Variants in DAB1 observed in about 807,000 individuals in gnomAD.
DAB1 encodes DAB adaptor protein 1.
A neutral mutation model predicts 64.6 loss-of-function variants in DAB1; 15 were observed. The observed-to-expected ratio is 0.23, with a 90% confidence interval of 0.16 to 0.36. The LOEUF (loss-of-function observed/expected upper bound fraction) is 0.36. Among genes scored for constraint, DAB1 ranks in the 10% least tolerant of loss-of-function variants. The probability of loss-of-function intolerance (pLI) is 1.00; values close to 1 mark genes in which losing one functional copy is unlikely to be tolerated. For missense variants in DAB1, 596 were observed against 706.7 expected (o/e 0.84, Z 1.78); for synonymous variants, 235 against 251.9 (o/e 0.93, Z 0.64).
chr1:57,326,954 T>A (rs980338725), intron 1 of DAB1, among the ~76,000 whole-genome samples: 1 of 112,132 alleles, frequency 8.9e-6, no homozygotes, highest in African/African-American at 3.3e-5. Flanking sequence ...TTATTTATTT[T>A]TTGAGACAGG....
intron 5 of DAB1, among the ~76,000 whole-genome samples, chr1:57,952,245 C>G (rs529927703): frequency 6.6e-6 from 1 of 152,262 alleles, no homozygotes; most frequent in Non-Finnish European, 1.5e-5. Flanking sequence ...CTTCCCCTCT[C>G]TTGAGGATTG....
intron 5 of DAB1, among the ~76,000 whole-genome samples, chr1:58,125,669 C>T (rs2100681509): frequency 6.6e-6 from 1 of 152,242 alleles, no homozygotes; most frequent in East Asian, 1.9e-4. Flanking sequence ...TGGTCTTGAA[C>T]TCCTAGGCTC....
intron 9 of DAB1, among the ~76,000 whole-genome samples, chr1:57,057,792 T>G (rs1233047939): frequency 1.4e-5 from 2 of 147,554 alleles, no homozygotes; most frequent in South Asian, 4.3e-4. Flanking sequence ...GTATTTTTAG[T>G]AGAGACGGGG....
intron 4 of DAB1, among the ~76,000 whole-genome samples, chr1:57,097,635 T>C (rs77487558): frequency 0.013 from 2,023 of 152,324 alleles, 44 homozygotes; most frequent in African/African-American, 0.045. Flanking sequence ...TGCTTCTGTG[T>C]GCTCCAGGTT....
At chr1:57,067,615 A>C (rs1482456815) in intron 8 of DAB1, among the ~76,000 whole-genome samples, 1 of 152,152 alleles carries the variant, frequency 6.6e-6, no homozygotes, top group Non-Finnish European at 1.5e-5. Context: ...AAACAAGCTA[A>C]CCTGCTTCTC....
At chr1:58,131,742 TG>T (rs199740753) in intron 5 of DAB1, among the ~76,000 whole-genome samples, 17,662 of 146,624 alleles carry the variant, frequency 0.12, 1,179 homozygotes, top group East Asian at 0.29. Context: ...GTGCCCCTGC[TG>T]GGGGGTGCCT....
At chr1:58,277,890 G>A (rs1661488482) in intron 4 of DAB1, among the ~76,000 whole-genome samples, 1 of 152,092 alleles carries the variant, frequency 6.6e-6, no homozygotes, top group Non-Finnish European at 1.5e-5. Flanking sequence ...CACTTGTGTG[G>A]TTGCTGGAGA....
chr1:57,953,148 T>G (rs562546045), intron 5 of DAB1, among the ~76,000 whole-genome samples: 4 of 152,348 alleles, frequency 2.6e-5, no homozygotes, highest in African/African-American at 9.6e-5. Flanking sequence ...CCACCAAGGC[T>G]GTGCAGCCAT....
chr1:58,368,353 C>T lies in DAB1; in HGVS notation n.258-24950G>A, dbSNP rs532619524. ...CCCAGCCTGAGGAAAGCGTGGTAAC[C>T]GAGAGTTCTGACATCTCAGGGTTAA... On this transcript the variant is annotated intron_variant and non_coding_transcript_variant, in intron 3 of 20. Transcript: ENST00000485760. Among the ~76,000 whole-genome samples, 6 of 152,168 alleles carry T rather than the reference C, an allele frequency of 3.9e-5. No homozygotes were observed. In the South Asian group the frequency reaches 8.3e-4, roughly 21 times the overall value.
chr1:57,545,383 T>C (rs1644845263), intron 7 of DAB1, among the ~76,000 whole-genome samples: 1 of 152,228 alleles, frequency 6.6e-6, no homozygotes, highest in African/African-American at 2.4e-5. Context: ...ATCAGGGCAG[T>C]AGGCTTTGTC....
intron 5 of DAB1, among the ~76,000 whole-genome samples, chr1:58,138,382 G>A (rs551020517): frequency 6.6e-6 from 1 of 152,286 alleles, no homozygotes; most frequent in East Asian, 1.9e-4. Context: ...TCCTTGTTAT[G>A]GGGCTTAAAG....
At position 58,421,938 on chromosome 1, in the gene DAB1, T is replaced by C. The variant is rs537580670; in HGVS notation, n.258-78535A>G. Among the ~76,000 whole-genome samples, 15 of 152,116 alleles carry C rather than the reference T, an allele frequency of 9.9e-5. No individual in the cohort carries two copies. In the East Asian group the frequency reaches 2.9e-3, roughly 29 times the overall value. ...GCCACTTACTAGGCACATGACCTTG[T>C]ACGAGATGCACAATGTCTCTAGACC... On this transcript the variant is annotated intron_variant and non_coding_transcript_variant, in intron 3 of 20. Transcript: ENST00000485760.
intron 7 of DAB1, among the ~76,000 whole-genome samples, chr1:57,454,888 AT>A (rs1167563596): frequency 1.3e-5 from 2 of 152,188 alleles, no homozygotes; most frequent in Admixed American, 6.5e-5. Flanking sequence ...CTTCAAAAAA[AT>A]ATCAGTCTGG....
Position 57,535,761 on chromosome 1 carries a change from G to T in DAB1, n.625+113831C>A, listed in dbSNP as rs111905570. On this transcript the variant is annotated intron_variant and non_coding_transcript_variant, in intron 7 of 20. Coordinates refer to the DAB1 transcript ENST00000485760. ...AGGCATGAGCCACTGTGCCCAGCTT[G>T]TTGGACATTCTTGATAACACTCAGC... 7.7e-4 allele frequency among the ~76,000 whole-genome samples: 117 copies of T among 152,254 alleles called. 1 individual carries two copies. The highest frequency in any genetic ancestry group is 1.5e-3 in the Non-Finnish European group (103 of 68,010).
intron 2 of DAB1, among the ~76,000 whole-genome samples, chr1:58,520,853 C>T (rs552049553): frequency 6.4e-4 from 97 of 152,104 alleles, no homozygotes; most frequent in African/African-American, 2.1e-3. Flanking sequence ...AAATCTACAA[C>T]CATAATGAAA....
At chr1:57,734,499 G>T (rs1647590902) in intron 6 of DAB1, among the ~76,000 whole-genome samples, 1 of 152,232 alleles carries the variant, frequency 6.6e-6, no homozygotes, top group South Asian at 2.1e-4. Context: ...GACAACTTCA[G>T]TTGAAATCAG....
chr1:58,015,782 C>T (rs543158887), intron 5 of DAB1, among the ~76,000 whole-genome samples: 1 of 152,250 alleles, frequency 6.6e-6, no homozygotes, highest in East Asian at 1.9e-4. Flanking sequence ...GATTGAGAAT[C>T]ACAGGTCTAA....
chr1:57,645,637 T>G (rs971411758), intron 7 of DAB1, among the ~76,000 whole-genome samples: 2 of 152,166 alleles, frequency 1.3e-5, no homozygotes, highest in Non-Finnish European at 2.9e-5. Flanking sequence ...TTCACATGCA[T>G]TATTTTGTTT....
At chr1:57,894,376 G>A (rs551364787) in intron 5 of DAB1, among the ~76,000 whole-genome samples, 2 of 152,262 alleles carry the variant, frequency 1.3e-5, no homozygotes, top group Non-Finnish European at 2.9e-5. Context: ...GGGGAGATAT[G>A]GTATGTGCTC....
Sources: allele counts gnomAD v4.1 joint callset (sites outside exome capture counted in the v4.1 genomes callset), GRCh38; gene constraint gnomAD v4.1.1; transcripts MANE v1.5; gene names NCBI Gene and HGNC (gene_info 2026-07-23, HGNC 2026-07-21).